The following BACH1 variants were observed in gnomAD, a reference collection of about 807,000 sequenced individuals.
BACH1 encodes transcription regulator protein BACH1.
Under a neutral mutation model 52.9 loss-of-function variants are expected in BACH1, and 35 were observed. The ratio of observed to expected loss-of-function variants is 0.66; its 90% CI spans 0.51 to 0.88. The LOEUF (loss-of-function observed/expected upper bound fraction) is 0.88. Among genes scored for constraint, BACH1 ranks in the 40% least tolerant of loss-of-function variants. The pLI, the probability that BACH1 is intolerant of heterozygous loss-of-function variation, is 0.00. For synonymous variants in BACH1, 321 were observed against 319.6 expected, an observed-to-expected ratio of 1.00 and a Z score of -0.05; for missense variants, 808 against 872.6, an observed-to-expected ratio of 0.93 and a Z score of 0.93.
intron 4 of BACH1, among the ~76,000 whole-genome samples, chr21:29,337,371 CATAT>C (rs2089056819): frequency 6.6e-6 from 1 of 152,098 alleles, no homozygotes; most frequent in Non-Finnish European, 1.5e-5. Context: ...ATCATGAATT[CATAT>C]ATATCAGGCT....
intron 1 of BACH1, among the ~76,000 whole-genome samples, chr21:29,307,997 T>C (rs1187314443): frequency 6.6e-6 from 1 of 152,238 alleles, no homozygotes; most frequent in Non-Finnish European, 1.5e-5. Context: ...ATTAGTTTTT[T>C]GGATAGAATT....
intron 4 of BACH1, among the ~76,000 whole-genome samples, chr21:29,333,826 G>A (rs1198167240): frequency 1.3e-5 from 2 of 152,212 alleles, no homozygotes; most frequent in South Asian, 4.1e-4. Context: ...TTTTATTAAA[G>A]TCTCAGTGTG....
intron 4 of BACH1, 109 bp from the exon 5 acceptor site, chr21:29,342,290 C>G: frequency 9.0e-7 from 1 of 1,106,340 alleles, no homozygotes; most frequent in Non-Finnish European, 1.3e-6. Context: ...AGGATAAACT[C>G]CATGTGATCT....
At chr21:29,352,997 GC>G (rs2089212325) in intron 2 of BACH1, among the ~76,000 whole-genome samples, 3 of 152,118 alleles carry the variant, frequency 2.0e-5, no homozygotes, top group Admixed American at 2.0e-4. Flanking sequence ...ACAGGCATGA[GC>G]CACTGTGTCC....
downstream of BACH1, among the ~76,000 whole-genome samples, chr21:29,348,093 A>G (rs2089180678): frequency 6.6e-6 from 1 of 152,232 alleles, no homozygotes; most frequent in Non-Finnish European, 1.5e-5. Context: ...TCGAAGTACA[A>G]AACTTTAAGA....
chr21:29,311,771 T>A (rs148791994), intron 1 of BACH1, among the ~76,000 whole-genome samples: 4 of 152,328 alleles, frequency 2.6e-5, no homozygotes, highest in African/African-American at 9.6e-5. Context: ...GCCTTTTGAC[T>A]CTGCACATTG....
intron 4 of BACH1, 142 bp downstream of exon 4, chr21:29,329,835 C>A: frequency 1.5e-6 from 1 of 650,250 alleles, no homozygotes; most frequent in Non-Finnish European, 2.4e-6. Context: ...TCATTTTTAC[C>A]ATGATATGCT....
At chr21:29,352,212 A>C (rs2123488483) in intron 2 of BACH1, among the ~76,000 whole-genome samples, 1 of 152,040 alleles carries the variant, frequency 6.6e-6, no homozygotes, top group African/African-American at 2.4e-5. Flanking sequence ...GCACCACCAC[A>C]CCTGGCTAAT....
intron 1 of BACH1, among the ~76,000 whole-genome samples, chr21:29,302,411 G>A (rs761205089): frequency 6.6e-6 from 1 of 152,120 alleles, no homozygotes; most frequent in Non-Finnish European, 1.5e-5. Flanking sequence ...CTGAAGTCTG[G>A]GTTTGATCAC....
At chr21:29,356,278 C>T (rs923587158) in intron 2 of BACH1, among the ~76,000 whole-genome samples, 1 of 152,210 alleles carries the variant, frequency 6.6e-6, no homozygotes, top group African/African-American at 2.4e-5. Context: ...ACACTGTTAA[C>T]TTTTAGCAAA....
chr21:29,359,692 A>T (rs553853302), intron 2 of BACH1, among the ~76,000 whole-genome samples: 1 of 152,152 alleles, frequency 6.6e-6, no homozygotes, highest in Non-Finnish European at 1.5e-5. Flanking sequence ...CCTAAATAAA[A>T]TAACTACAAA....
At chr21:29,306,169 A>AGTGTGTGTGTGTGTGTGT (rs61571512) in intron 1 of BACH1, among the ~76,000 whole-genome samples, 1 of 141,286 alleles carries the variant, frequency 7.1e-6, no homozygotes, top group East Asian at 2.1e-4. Flanking sequence ...GGTCAGGAAG[A>AGTGTGTGTGTGTGTGTGT]GTGTGTGTGT....
At chr21:29,317,229 A>G (rs1432982989) in intron 1 of BACH1, among the ~76,000 whole-genome samples, 1 of 152,252 alleles carries the variant, frequency 6.6e-6, no homozygotes, top group Admixed American at 6.5e-5. Context: ...TTTGTCTTCC[A>G]TGAAACCCAT....
downstream of BACH1, among the ~76,000 whole-genome samples, chr21:29,349,654 A>G (rs1205703972): frequency 6.6e-6 from 1 of 152,184 alleles, no homozygotes; most frequent in East Asian, 1.9e-4. Context: ...GACAGGCATC[A>G]GGGGGAAGCT....
intron 1 of BACH1, among the ~76,000 whole-genome samples, chr21:29,313,045 G>A (rs1326038844): frequency 6.6e-6 from 1 of 152,140 alleles, no homozygotes; most frequent in African/African-American, 2.4e-5. Context: ...TACATATCAG[G>A]ATAGGCAGGA....
chr21:29,338,331 A>T (rs1230650280), intron 4 of BACH1, among the ~76,000 whole-genome samples: 1 of 152,168 alleles, frequency 6.6e-6, no homozygotes, highest in Admixed American at 6.5e-5. Flanking sequence ...TGTGTTACCA[A>T]TTTGGCATAC....
intron 2 of BACH1, among the ~76,000 whole-genome samples, chr21:29,323,859 G>A (rs1372741008): frequency 6.6e-6 from 1 of 152,062 alleles, no homozygotes; most frequent in Non-Finnish European, 1.5e-5. Context: ...CTCCCATAGC[G>A]TTCAGATTGC....
rs1235144277 is a variant in BACH1 at position 29,329,525 on chromosome 21, G to A, written c.1608G>A (p.Leu536=). The stretch of plus-strand genomic sequence containing the variant: ...TCAATGCACAACGGATAATTTCACT[G>A]TCTCGAAATGATTTTCAGTCCTTGT... ...LPFNAQRIIS[L]SRNDFQSLLK... is the part of the protein sequence containing the mutation. The change falls in exon 4 of 5, where the codon CTG becomes CTA. Residue 536 remains leucine, a synonymous_variant. Transcript: ENST00000286800. The A allele has an allele frequency of 1.9e-6, 3 of 1,599,242 alleles. No homozygotes were observed. The highest frequency in any genetic ancestry group is 1.7e-6 in the Non-Finnish European group (2 of 1,174,284).
chr21:29,318,104 G>A (rs955907593), intron 1 of BACH1, among the ~76,000 whole-genome samples: 1 of 152,144 alleles, frequency 6.6e-6, no homozygotes, highest in Non-Finnish European at 1.5e-5. Flanking sequence ...ATTGAATGGA[G>A]TAGAAAGTAT....
Sources: allele counts gnomAD v4.1 joint callset (sites outside exome capture counted in the v4.1 genomes callset), GRCh38; gene constraint gnomAD v4.1.1; transcripts MANE v1.5; gene names NCBI Gene and HGNC (gene_info 2026-07-23, HGNC 2026-07-21).